Variants in DDX54 observed in about 807,000 individuals in gnomAD.
DDX54 encodes DEAD-box helicase 54, also known as ATP-dependent RNA helicase DDX54.
In DDX54, 67 loss-of-function variants were observed where a neutral mutation model predicts 105.5. The ratio of observed to expected loss-of-function variants is 0.64; its 90% CI spans 0.52 to 0.78. The LOEUF (loss-of-function observed/expected upper bound fraction) is 0.78. Ranked by LOEUF, DDX54 falls within the 30% of genes least tolerant of loss-of-function variation. The probability of loss-of-function intolerance (pLI) is 0.00; values close to 1 mark genes in which losing one functional copy is unlikely to be tolerated. For missense variants in DDX54, 1,206 were observed against 1,230.5 expected, an observed-to-expected ratio of 0.98 and a Z score of 0.30; for synonymous variants, 514 against 509.9, an observed-to-expected ratio of 1.01 and a Z score of -0.11.
rs1359221177 is a variant in DDX54 at position 113,164,079 on chromosome 12, T to C, written c.1926A>G (p.Gly642=). ...GTGGAACCTGTACCTCCACACTCTC[T>C]CCCGCCTCCTCCTCCTCCTCCTTCT... ...QPEKEEEEEA[G]ESVEDIFSEV... Residue 642 remains glycine, a synonymous_variant, in exon 15 of 20, where the codon GGA becomes GGG. Transcript: ENST00000306014. The C allele has an allele frequency of 1.3e-6, 2 of 1,549,090 alleles. No individual in the cohort carries two copies. Among genetic ancestry groups the C allele is most frequent in the Admixed American group, 3.9e-5 (2 of 50,938 alleles).
In DDX54 at chr12:113,185,411, C is replaced by A. The variant is rs762250710; in HGVS notation, c.41G>T (p.Arg14Leu). The change falls in exon 1 of 20, where the codon CGA becomes CTA. Residue 14 changes from arginine (R) to leucine (L), a missense_variant. Transcript: ENST00000306014. ...DKGPAAGPRS[R>L]AAMAQWRKKK... Reference sequence around the variant, plus strand: ...CTTCCTCCACTGGGCCATGGCAGCTCGCGACCGAGGTCCAGCCGCCGGGCC... The same window carrying A: ...CTTCCTCCACTGGGCCATGGCAGCTAGCGACCGAGGTCCAGCCGCCGGGCC... 81 of 1,535,296 alleles carry A rather than the reference C, an allele frequency of 5.3e-5. No homozygotes were observed. The highest frequency in any genetic ancestry group is 1.7e-4 in the Middle Eastern group (1 of 5,814).
Position 113,161,920 on chromosome 12 carries a change from T to G in DDX54, c.2273A>C (p.Tyr758Ser). 4 of 1,612,150 alleles carry G rather than the reference T, an allele frequency of 2.5e-6. No individual in the cohort carries two copies. The highest frequency in any genetic ancestry group is 1.3e-5 in the African/African-American group (1 of 74,912). Residue 758 changes from tyrosine (Y) to serine (S), a missense_variant, in exon 18 of 20, where the codon TAC (tyrosine) becomes TCC (serine). Transcript: ENST00000306014. ...GTCTCGCTTGTAGGAGCTGCTGATG[T>G]AGCGGCCGCTCTCTGTCTTAATCTT... ...KKKIKTESGR[Y>S]ISSSYKRDLY...
chr12:113,157,304 GA>G lies in DDX54; in HGVS notation c.*1572del. On this transcript the variant is annotated 3_prime_UTR_variant, in exon 20 of 20. Transcript: ENST00000306014. Reference sequence around the variant, plus strand: ...ATGAATATGACTGATCCAGTTACAAGAAAATAAAGCTGATTGATGTAAATGA... The same window carrying G: ...ATGAATATGACTGATCCAGTTACAAGAAATAAAGCTGATTGATGTAAATGA... The G allele has an allele frequency of 2.3e-6, 1 of 428,672 alleles. No homozygotes were observed. Among genetic ancestry groups the G allele is most frequent in the Non-Finnish European group, 4.2e-6 (1 of 237,516 alleles). 26.6% of individuals were successfully genotyped at this position (428,672 alleles called of 1,614,324 possible).
intron 7 of DDX54, 138 bp downstream of exon 7, chr12:113,176,702 G>T: frequency 1.2e-6 from 1 of 840,866 alleles, no homozygotes; most frequent in Non-Finnish European, 1.9e-6. Flanking sequence ...GAGGAGGTCT[G>T]CAGCCCACAT....
intron 10 of DDX54, among the ~76,000 whole-genome samples, chr12:113,174,012 G>C (rs1484294668): frequency 6.6e-6 from 1 of 151,972 alleles, no homozygotes; most frequent in East Asian, 1.9e-4. Context: ...GCAAAACCCC[G>C]TCTCCATGAG....
At chr12:113,182,319 T>C (rs923617845) in intron 1 of DDX54, among the ~76,000 whole-genome samples, 1 of 152,184 alleles carries the variant, frequency 6.6e-6, no homozygotes, top group African/African-American at 2.4e-5. Flanking sequence ...CCATGGCCTG[T>C]CTTGAACAGT....
In DDX54 at chr12:113,163,237, C is replaced by T. The variant is rs369956816; in HGVS notation, c.1976G>A (p.Arg659Gln). The T allele has an allele frequency of 3.4e-5, 55 of 1,610,998 alleles. No homozygotes were observed. In the Middle Eastern group the frequency reaches 4.9e-4, roughly 14 times the overall value. The part of the protein sequence containing the change: ...FSEVVGRKRQ[R>Q]SGPNRGAKRR... ...CTTGGCTCCCCTGTTGGGTCCTGAC[C>T]GCTGCCGCTTCCGGCCCACGACCTC... Residue 659 changes from arginine to glutamine, a missense_variant, in exon 16 of 20, where the codon CGG becomes CAG. Coordinates refer to ENST00000306014, the MANE Select transcript of DDX54 (RefSeq NM_024072.4). The surrounding 1 kb of genome is among the most constrained non-coding windows in gnomAD (Gnocchi z 5.9).
In DDX54 at chr12:113,163,796, C is replaced by G. The variant is rs558106937; in HGVS notation, c.1938+271G>C. Among the ~76,000 whole-genome samples the G allele has an allele frequency of 8.8e-4, 134 of 152,358 alleles. No individual in the cohort carries two copies. The highest frequency in any genetic ancestry group is 3.1e-3 in the African/African-American group (128 of 41,584). On this transcript the variant is annotated intron_variant, in intron 15 of 19. Coordinates refer to ENST00000306014, the MANE Select transcript of DDX54 (RefSeq NM_024072.4). This position sits in a 1 kb window ranked among gnomAD's most constrained non-coding sequence, Gnocchi z 5.9. ...GAGTGGAGACCTACACGTCTCACTG[C>G]AGAAGCCCTGATGTGTTTGGTGGCT...
chr12:113,174,968 C>T lies in DDX54; in HGVS notation c.875-32G>A, dbSNP rs991911013. 6.2e-6 allele frequency: 10 copies of T among 1,611,436 alleles called. No homozygotes were observed. In the East Asian group the frequency reaches 1.3e-4, roughly 22 times the overall value. ...GAGACATGGGGGAAAGTGGGGGAGTCGCAGAGGGACTGGCCCCCAGGCCCC... is the reference window on the plus strand; with the variant it reads ...GAGACATGGGGGAAAGTGGGGGAGTTGCAGAGGGACTGGCCCCCAGGCCCC... On this transcript the variant is annotated intron_variant, in intron 8 of 19. Coordinates refer to ENST00000306014, the MANE Select transcript of DDX54 (RefSeq NM_024072.4).
At chr12:113,169,399 T>C (rs570279934) in intron 12 of DDX54, among the ~76,000 whole-genome samples, 3 of 152,104 alleles carry the variant, frequency 2.0e-5, no homozygotes, top group South Asian at 4.2e-4. Flanking sequence ...GGCGAATCAC[T>C]TGAGGTCAGG....
At chr12:113,171,599 CA>C (rs56809579) in intron 11 of DDX54, among the ~76,000 whole-genome samples, 6,076 of 102,048 alleles carry the variant, frequency 0.06, 253 homozygotes, top group East Asian at 0.25. Context: ...GCAAGACTCT[CA>C]AAAAAAAAAA....
chr12:113,179,162 G>T lies in DDX54; in HGVS notation c.545C>A (p.Thr182Asn). The T allele has an allele frequency of 6.2e-7, 1 of 1,614,106 alleles. No individual in the cohort carries two copies. ...LSPTRELALQ[T>N]LKFTKELGKF... Reference sequence around the variant, plus strand: ...ACACACCTCCTTAGTGAACTTCAGGGTCTGCAGGGCCAGCTCTCGGGTCGG... The same window carrying T: ...ACACACCTCCTTAGTGAACTTCAGGTTCTGCAGGGCCAGCTCTCGGGTCGG... The change falls in exon 4 of 20, where the codon ACC (threonine) becomes AAC (asparagine). Residue 182 changes from threonine to asparagine, a missense_variant. Around this residue, in one of 3 missense-constraint regions of DDX54, gnomAD observed 961 missense variants for 1,019.1 expected, o/e 0.94. Coordinates refer to ENST00000306014, the MANE Select transcript of DDX54 (RefSeq NM_024072.4).
At chr12:113,164,439 C>T (rs750414247) in intron 14 of DDX54, among the ~76,000 whole-genome samples, 154 bp from the exon 15 acceptor site, 1 of 152,208 alleles carries the variant, frequency 6.6e-6, no homozygotes, top group Admixed American at 6.5e-5. Context: ...CCAGACCAGG[C>T]GCAGTGGCTC....
At chr12:113,167,486 C>T (rs531934739) in intron 12 of DDX54, among the ~76,000 whole-genome samples, 1 of 152,210 alleles carries the variant, frequency 6.6e-6, no homozygotes, top group African/African-American at 2.4e-5. Context: ...GCGTTAATTA[C>T]CAACATTTGG....
chr12:113,180,876 G>A (rs958397127), intron 2 of DDX54, 53 bp downstream of exon 2: 2 of 1,609,038 alleles, frequency 1.2e-6, no homozygotes, highest in African/African-American at 1.3e-5. Flanking sequence ...CAGAGGCGGG[G>A]TTGACCTCCA....
At chr12:113,170,880 T>C (rs961533448) in intron 11 of DDX54, among the ~76,000 whole-genome samples, 8 of 152,130 alleles carry the variant, frequency 5.3e-5, no homozygotes, top group Admixed American at 2.0e-4. Context: ...TGTATGGTGA[T>C]GTAAAAAGAA....
At chr12:113,164,828 T>G (rs1182530251) in intron 14 of DDX54, among the ~76,000 whole-genome samples, 1 of 151,306 alleles carries the variant, frequency 6.6e-6, no homozygotes, top group Non-Finnish European at 1.5e-5. Context: ...CCCAGGGGTC[T>G]GAGAGCAGCC....
At position 113,161,333 on chromosome 12, in the gene DDX54, C is replaced by T. The variant is rs376195121; in HGVS notation, c.2350G>A (p.Glu784Lys). The T allele has an allele frequency of 8.5e-5, 137 of 1,613,474 alleles. No individual in the cohort carries two copies. Among genetic ancestry groups the T allele is most frequent in the Non-Finnish European group, 1.0e-4 (119 of 1,179,756 alleles). ...CCTCGCCGGTCAGATGCCCCTTCTT[C>T]GTCCGAGTCACGATCATCAATTTTC... is the stretch of plus-strand genomic sequence containing the variant. ...KQKIDDRDSD[E>K]EGASDRRGPE... Residue 784 changes from glutamate to lysine, a missense_variant, in exon 19 of 20, where the codon GAA (glutamate) becomes AAA (lysine). Physicochemically the swap from Glu to Lys is moderately conservative, Grantham distance 56 (BLOSUM62 1). This residue lies in a region of DDX54 where 961 missense variants were observed against 1,019.1 expected (regional missense o/e 0.94). Coordinates refer to ENST00000306014, the MANE Select transcript of DDX54 (RefSeq NM_024072.4).
rs185722097 is a variant in DDX54, at chr12:113,181,196, T to A, written c.175-138A>T. On this transcript the variant is annotated intron_variant, in intron 1 of 19. Transcript: ENST00000306014. ...CCGCCAGATCACGTCACTTTTTTGCTAGTAAGTTCTCCTTTGGCTGGGCCA... is the reference window on the plus strand; with the variant it reads ...CCGCCAGATCACGTCACTTTTTTGCAAGTAAGTTCTCCTTTGGCTGGGCCA... 47 of 1,068,820 alleles carry A rather than the reference T, an allele frequency of 4.4e-5. No individual in the cohort carries two copies. In the African/African-American group the frequency reaches 7.5e-4, roughly 17 times the overall value. 66.2% of individuals were successfully genotyped at this position (1,068,820 alleles called of 1,614,324 possible).
Sources: allele counts gnomAD v4.1 joint callset (sites outside exome capture counted in the v4.1 genomes callset), GRCh38; gene constraint gnomAD v4.1.1; regional missense constraint gnomAD v4.1.1; non-coding constraint Gnocchi (gnomAD v3.1); transcripts MANE v1.5; gene names NCBI Gene and HGNC (gene_info 2026-07-23, HGNC 2026-07-21).